The following NALF1 variants were observed in gnomAD, a reference collection of about 807,000 sequenced individuals.
NALF1 encodes family with sequence similarity 155 member A.
Under a neutral mutation model 48.4 loss-of-function variants are expected in NALF1, and 3 were observed. The observed-to-expected ratio is 0.06, with a 90% CI of 0.03 to 0.16. The LOEUF (loss-of-function observed/expected upper bound fraction) is 0.16. Among genes scored for constraint, NALF1 ranks in the 10% least tolerant of loss-of-function variants. NALF1 has a pLI of 1.00. For missense variants in NALF1, 526 were observed against 571.5 expected, an observed-to-expected ratio of 0.92 and a Z score of 0.81; for synonymous variants, 262 against 245.7, an observed-to-expected ratio of 1.07 and a Z score of -0.62.
At chr13:107,230,951 T>A (rs1167093946) in intron 1 of NALF1, among the ~76,000 whole-genome samples, 1 of 150,064 alleles carries the variant, frequency 6.7e-6, no homozygotes. Context: ...TCCCAGCTAC[T>A]CAGGAGGCTG....
intron 1 of NALF1, among the ~76,000 whole-genome samples, chr13:107,623,025 G>C (rs1414423829): frequency 6.6e-6 from 1 of 152,142 alleles, no homozygotes; most frequent in African/African-American, 2.4e-5. Context: ...ACTTGTGTGA[G>C]AGGTTACCAC....
At chr13:107,503,996 G>T (rs1318122439) in intron 1 of NALF1, among the ~76,000 whole-genome samples, 2 of 151,518 alleles carry the variant, frequency 1.3e-5, no homozygotes, top group Admixed American at 1.3e-4. Flanking sequence ...GCTCTTGCCT[G>T]TAATCCCAGC....
Position 107,170,659 on chromosome 13 carries a change from T to A in NALF1, c.1215A>T (p.Thr405=). 1 of 1,614,218 alleles carries A rather than the reference T, an allele frequency of 6.2e-7. No homozygotes were observed. Among genetic ancestry groups the A allele is most frequent in the Non-Finnish European group, 8.5e-7 (1 of 1,180,042 alleles). Residue 405 remains threonine, a synonymous_variant, in exon 3 of 3, where the codon ACA becomes ACT. Transcript: ENST00000375915. The part of the protein sequence containing the change: ...KSGSCHRTSL[T]VSSATRLCNS... ...TGCACAGTCTTGTTGCTGATGACAC[T>A]GTGAGCGATGTCCTGTGACAGGAGC...
chr13:107,670,970 T>C (rs10220255), intron 1 of NALF1, among the ~76,000 whole-genome samples: 1,754 of 152,236 alleles, frequency 0.012, 26 homozygotes, highest in South Asian at 0.043. Context: ...CCTAGGATCA[T>C]TTCCCAGCTC....
At chr13:107,544,020 C>T (rs954344058) in intron 1 of NALF1, among the ~76,000 whole-genome samples, 1 of 152,016 alleles carries the variant, frequency 6.6e-6, no homozygotes, top group Non-Finnish European at 1.5e-5. Flanking sequence ...GTGATGTTTA[C>T]AGTCGGAACA....
At chr13:107,366,832 C>G (rs1408291033) in intron 1 of NALF1, among the ~76,000 whole-genome samples, 5 of 152,156 alleles carry the variant, frequency 3.3e-5, no homozygotes, top group African/African-American at 1.2e-4. Flanking sequence ...TTTTCCAAGG[C>G]AGGTGTTCAC....
chr13:107,718,761 ATATGGCAGCCAATAGCTACTTG>A (rs1354877398), intron 1 of NALF1, among the ~76,000 whole-genome samples: 4 of 152,192 alleles, frequency 2.6e-5, no homozygotes, highest in African/African-American at 9.6e-5. Context: ...GCGCTTTCTA[ATATGGCAGCCAATAGCTACTTG>A]TAGCTATTCA....
intron 2 of NALF1, among the ~76,000 whole-genome samples, chr13:107,191,833 A>ATTTTTTTTTTTTTT (rs66566638): frequency 4.9e-4 from 55 of 112,152 alleles, no homozygotes; most frequent in Non-Finnish European, 6.1e-4. Flanking sequence ...CACTATGCCT[A>ATTTTTTTTTTTTTT]TTTTTTTTTT....
At chr13:107,448,242 C>G (rs1884682505) in intron 1 of NALF1, among the ~76,000 whole-genome samples, 1 of 152,114 alleles carries the variant, frequency 6.6e-6, no homozygotes, top group South Asian at 2.1e-4. Context: ...TTTCTGTCCA[C>G]CTGTGCCCAG....
At chr13:107,291,541 C>G (rs1169366134) in intron 1 of NALF1, among the ~76,000 whole-genome samples, 1 of 150,776 alleles carries the variant, frequency 6.6e-6, no homozygotes, top group Non-Finnish European at 1.5e-5. Flanking sequence ...AATCCCTGAA[C>G]TATATCTCAT....
chr13:107,445,464 C>T (rs926535121), intron 1 of NALF1, among the ~76,000 whole-genome samples: 6 of 152,140 alleles, frequency 3.9e-5, no homozygotes, highest in Non-Finnish European at 8.8e-5. Context: ...ACCATTCACT[C>T]ATTGAAGGAC....
rs1566511181 is a variant in NALF1, at chr13:107,865,927, A to G, written c.670T>C (p.Ser224Pro). 6.2e-7 allele frequency: 1 copy of G among 1,613,926 alleles called. No homozygotes were observed. The highest frequency in any genetic ancestry group is 2.2e-5 in the East Asian group (1 of 44,834). Residue 224 changes from serine (S) to proline (P), a missense_variant, in exon 1 of 3, where the codon TCG becomes CCG. Transcript: ENST00000375915. The part of the protein sequence containing the change: ...PLWNLSDFYL[S>P]FCNSYTLWEL... ...CAAAGTGTGTAGGAATTACAAAACG[A>G]AAGGTAAAAATCCGACAAGTTCCAG... is the stretch of plus-strand genomic sequence containing the variant.
chr13:107,836,078 G>A (rs2138631260), intron 1 of NALF1, among the ~76,000 whole-genome samples: 1 of 152,202 alleles, frequency 6.6e-6, no homozygotes, highest in East Asian at 1.9e-4. Context: ...TGCAACCTCT[G>A]CCTCCTGACT....
At chr13:107,603,974 T>G (rs1242351151) in intron 1 of NALF1, among the ~76,000 whole-genome samples, 5 of 152,168 alleles carry the variant, frequency 3.3e-5, no homozygotes, top group Non-Finnish European at 5.9e-5. Context: ...CTCAAAGAAT[T>G]TATTTTTAAT....
intron 1 of NALF1, among the ~76,000 whole-genome samples, chr13:107,224,765 C>T (rs1469069539): frequency 2.0e-5 from 3 of 152,014 alleles, no homozygotes; most frequent in Non-Finnish European, 4.4e-5. Flanking sequence ...ACAAATTGCA[C>T]TTTTTAATAC....
chr13:107,384,795 C>T (rs1233012240), intron 1 of NALF1, among the ~76,000 whole-genome samples: 2 of 152,140 alleles, frequency 1.3e-5, no homozygotes, highest in African/African-American at 4.8e-5. Flanking sequence ...CCATCTGATA[C>T]AAAAAGAAAA....
rs117534080 is a variant in NALF1, at chr13:107,418,814, A to G, written c.916-208059T>C. ...TACAATTCATTTCTTACACACATAC[A>G]TGTAATACCCCTGAAACACAAATCA... On this transcript the variant is annotated intron_variant, in intron 1 of 2. Transcript: ENST00000375915. Among the ~76,000 whole-genome samples the G allele has an allele frequency of 7.0e-3, 1,072 of 152,244 alleles. 7 individuals carry two copies. Among genetic ancestry groups the G allele is most frequent in the Non-Finnish European group, 9.9e-3 (671 of 68,026 alleles).
intron 2 of NALF1, among the ~76,000 whole-genome samples, chr13:107,192,657 T>G (rs1230624605): frequency 1.3e-5 from 1 of 77,564 alleles, no homozygotes; most frequent in Non-Finnish European, 4.1e-5. Context: ...TATCTATTAC[T>G]GAAGTTATGC....
intron 1 of NALF1, among the ~76,000 whole-genome samples, chr13:107,415,441 T>G (rs1206821905): frequency 5.3e-5 from 8 of 151,970 alleles, no homozygotes; most frequent in African/African-American, 1.9e-4. Context: ...CAGTACATAC[T>G]GTACTACCTA....
Sources: allele counts gnomAD v4.1 joint callset (sites outside exome capture counted in the v4.1 genomes callset), GRCh38; gene constraint gnomAD v4.1.1; transcripts MANE v1.5; gene names NCBI Gene and HGNC (gene_info 2026-07-23, HGNC 2026-07-21).